GUCY2C: variants seen among roughly 807,000 people sequenced by gnomAD.
The protein encoded by GUCY2C is guanylyl cyclase C.
Under a neutral mutation model 131.1 loss-of-function variants are expected in GUCY2C, and 118 were observed. That is an observed-to-expected ratio of 0.90 (90% CI 0.78 to 1.05). The LOEUF (loss-of-function observed/expected upper bound fraction) is 1.05. GUCY2C is among the 50% of genes least tolerant of loss of function. The pLI is 0.00. For synonymous variants in GUCY2C, 452 were observed against 457.8 expected (o/e 0.99, Z 0.16); for missense variants, 1,161 against 1,304.4 (o/e 0.89, Z 1.69).
At chr12:14,627,668 A>G (rs1314004455) in intron 20 of GUCY2C, among the ~76,000 whole-genome samples, 1 of 152,168 alleles carries the variant, frequency 6.6e-6, no homozygotes, top group African/African-American at 2.4e-5. Flanking sequence ...AAGTTTGAGA[A>G]CCATCACACA....
At chr12:14,620,240 C>T (rs993180015) in intron 23 of GUCY2C, among the ~76,000 whole-genome samples, 1 of 152,196 alleles carries the variant, frequency 6.6e-6, no homozygotes, top group African/African-American at 2.4e-5. Context: ...CTAGGGTATA[C>T]TTACGTTATA....
At chr12:14,690,589 T>C (rs1948555832) in intron 1 of GUCY2C, among the ~76,000 whole-genome samples, 1 of 152,198 alleles carries the variant, frequency 6.6e-6, no homozygotes, top group Admixed American at 6.5e-5. Flanking sequence ...TTGCTCTGGC[T>C]GGAGTGCAGT....
At chr12:14,688,353 A>AAT (rs984214237) in intron 1 of GUCY2C, among the ~76,000 whole-genome samples, 29 of 152,146 alleles carry the variant, frequency 1.9e-4, no homozygotes, top group African/African-American at 6.5e-4. Flanking sequence ...ACTTTTAGTA[A>AAT]ATATATATAT....
intron 19 of GUCY2C, among the ~76,000 whole-genome samples, chr12:14,630,087 C>A (rs888580927): frequency 6.7e-6 from 1 of 150,146 alleles, no homozygotes; most frequent in Non-Finnish European, 1.5e-5. Context: ...CTGCTACCAC[C>A]TGTTTGCAGC....
chr12:14,695,262 T>C (rs1948636306), intron 1 of GUCY2C, among the ~76,000 whole-genome samples: 1 of 152,164 alleles, frequency 6.6e-6, no homozygotes, highest in Admixed American at 6.5e-5. Context: ...ATGGCTGCTT[T>C]TTTTCCCCCT....
rs750160945 is a variant in GUCY2C, at chr12:14,652,975, G to A, written c.1510C>T (p.Arg504Ter). Residue 504 changes from arginine (R) to a stop codon, truncating the protein, a stop_gained, in exon 13 of 27, where the codon CGA becomes TGA. Transcript: ENST00000261170. LOFTEE classifies it high-confidence loss of function. ...ACCTTTTTGTCGTATTTGCACTGTC[G>A]TAGTCTCTGGATTGTATCTCGTCTT... Reference protein sequence around the residue: ...DKRRDTIQRLRQCKYDKKRVI... With the variant: ...DKRRDTIQRL The A allele has an allele frequency of 8.7e-6, 14 of 1,610,866 alleles. No homozygotes were observed. Among genetic ancestry groups the A allele is most frequent in the East Asian group, 2.2e-5 (1 of 44,862 alleles).
At position 14,687,992 on chromosome 12, in the gene GUCY2C, T is replaced by C. The variant is rs777146826; in HGVS notation, c.289A>G (p.Ser97Gly). ...GLIHNSGDCR[S>G]STCEGLDLLR... is the part of the protein sequence containing the mutation. ...AGGTCGAGGCCTTCACAGGTGCTAC[T>C]CCGGCAGTCGCCTGAGTTATGAATC... The change falls in exon 2 of 27, where the codon AGT (serine) becomes GGT (glycine). Residue 97 changes from serine to glycine, a missense_variant. By Grantham distance (56) the Ser-to-Gly change is moderately conservative. Coordinates refer to ENST00000261170, the MANE Select transcript of GUCY2C (RefSeq NM_004963.4). 6.2e-7 allele frequency: 1 copy of C among 1,613,758 alleles called. No individual in the cohort carries two copies. Among genetic ancestry groups the C allele is most frequent in the East Asian group, 2.2e-5 (1 of 44,896 alleles).
chr12:14,685,870 A>T (rs1948458343), intron 3 of GUCY2C, among the ~76,000 whole-genome samples: 2 of 152,124 alleles, frequency 1.3e-5, no homozygotes, highest in African/African-American at 2.4e-5. Context: ...AAACGCCTCA[A>T]ATTATCCAAT....
intron 24 of GUCY2C, among the ~76,000 whole-genome samples, chr12:14,617,380 GT>G (rs1363835607): frequency 1.3e-5 from 2 of 152,104 alleles, no homozygotes; most frequent in African/African-American, 4.8e-5. Flanking sequence ...GGATCCCTAG[GT>G]TTTTCTCCAT....
At position 14,679,692 on chromosome 12, in the gene GUCY2C, A is replaced by C. The variant is rs61735040; in HGVS notation, c.795T>G (p.Ala265=). The C allele has an allele frequency of 6.5e-5, 103 of 1,594,392 alleles. No individual in the cohort carries two copies. The African/African-American group carries it at 1.3e-3, about 21-fold the overall frequency. Reference sequence around the variant, plus strand: ...CCACTAGAATAATGACAATGTCTTCAGCCACTGCTCGGTCACCCTTCAGCT... The same window carrying C: ...CCACTAGAATAATGACAATGTCTTCCGCCACTGCTCGGTCACCCTTCAGCT... ...LYKLKGDRAV[A]EDIVIILVDL... Residue 265 remains alanine (A), a synonymous_variant, in exon 6 of 27, where the codon GCT becomes GCG. Coordinates refer to ENST00000261170, the MANE Select transcript of GUCY2C (RefSeq NM_004963.4).
intron 1 of GUCY2C, among the ~76,000 whole-genome samples, chr12:14,688,646 C>T (rs934944707): frequency 1.4e-4 from 21 of 152,206 alleles, no homozygotes; most frequent in African/African-American, 4.3e-4. Flanking sequence ...CTCTTCTTTG[C>T]GCTCATGATA....
chr12:14,612,950 C>T lies in GUCY2C; in HGVS notation c.*167G>A. The T allele has an allele frequency of 3.3e-6, 2 of 606,148 alleles. No homozygotes were observed. Among genetic ancestry groups the T allele is most frequent in the East Asian group, 2.7e-5 (1 of 36,908 alleles). 37.5% of individuals were successfully genotyped at this position (606,148 alleles called of 1,614,324 possible). ...AGGTAGTTATTTCACTGAGAACACA[C>T]ATCTGATTCATGCAAGAAAGTCCAT... is the stretch of plus-strand genomic sequence containing the variant. On this transcript the variant is annotated 3_prime_UTR_variant, in exon 27 of 27. Coordinates refer to ENST00000261170, the MANE Select transcript of GUCY2C (RefSeq NM_004963.4).
chr12:14,678,082 C>G (rs1948276600), intron 6 of GUCY2C, among the ~76,000 whole-genome samples: 1 of 152,180 alleles, frequency 6.6e-6, no homozygotes, highest in South Asian at 2.1e-4. Flanking sequence ...TCCCAAGCAG[C>G]TGGGACAACA....
intron 17 of GUCY2C, among the ~76,000 whole-genome samples, chr12:14,642,471 G>A (rs1019764415): frequency 6.6e-6 from 1 of 152,178 alleles, no homozygotes; most frequent in African/African-American, 2.4e-5. Context: ...ATATGTTTAT[G>A]ATGATGCACA....
chr12:14,683,083 C>T lies in GUCY2C; in HGVS notation c.570G>A (p.Ser190=), dbSNP rs7132892. The change falls in exon 4 of 27, where the codon TCG becomes TCA. Residue 190 remains serine, a synonymous_variant. Coordinates refer to ENST00000261170, the MANE Select transcript of GUCY2C (RefSeq NM_004963.4). ...TTTCTGTACCATTCTTGTAAACATA[C>T]GAAGTGCTCCAGGAATAAGTTTTGA... ...LPFKTYSWST[S]YVYKNGTETE... The T allele has an allele frequency of 0.011, 17,243 of 1,613,406 alleles. 1,316 individuals carry two copies. The African/African-American group carries it at 0.18, about 17-fold the overall frequency.
chr12:14,684,832 G>C (rs1335398642), intron 3 of GUCY2C, among the ~76,000 whole-genome samples: 1 of 151,726 alleles, frequency 6.6e-6, no homozygotes. Context: ...ACTACACCTG[G>C]CTAATTTTTT....
chr12:14,634,388 C>A (rs973687125), intron 19 of GUCY2C, among the ~76,000 whole-genome samples: 26 of 152,268 alleles, frequency 1.7e-4, no homozygotes, highest in African/African-American at 6.3e-4. Context: ...TGCTTCAGGG[C>A]GTCCTACGCC....
intron 11 of GUCY2C, among the ~76,000 whole-genome samples, chr12:14,658,584 G>A (rs1212037164): frequency 2.0e-5 from 3 of 152,156 alleles, no homozygotes; most frequent in Non-Finnish European, 2.9e-5. Context: ...GCCAAGGCAC[G>A]AGAATTGCTT....
Position 14,613,518 on chromosome 12 carries a change from T to C in GUCY2C, c.3048-227A>G, listed in dbSNP as rs1422098622. ...TCAATTTCAAAGTGAAACAATATGCTGCTGGAATTTGGAGGCATGGTTGGG... is the reference window on the plus strand; with the variant it reads ...TCAATTTCAAAGTGAAACAATATGCCGCTGGAATTTGGAGGCATGGTTGGG... On this transcript the variant is annotated intron_variant, in intron 26 of 26. Transcript: ENST00000261170. The surrounding 1 kb of genome is among the most constrained non-coding windows in gnomAD (Gnocchi z 4.9). Among the ~76,000 whole-genome samples the C allele has an allele frequency of 2.6e-5, 4 of 152,134 alleles. No homozygotes were observed. The East Asian group carries it at 7.7e-4, about 29-fold the overall frequency.
Sources: gnomAD v4.1 joint callset for allele counts (sites outside exome capture counted in the v4.1 genomes callset) on GRCh38, gnomAD v4.1.1 for gene constraint, Gnocchi (gnomAD v3.1) non-coding constraint, MANE v1.5 for transcripts, NCBI Gene and HGNC (gene_info 2026-07-23, HGNC 2026-07-21) for gene names.